The following LONRF2 variants were observed in gnomAD, a reference collection of about 807,000 sequenced individuals.
LONRF2 encodes LON peptidase N-terminal domain and ring finger 2.
In LONRF2, 35 loss-of-function variants were observed where a neutral mutation model predicts 66.6. That is an observed-to-expected ratio of 0.53 (90% CI 0.40 to 0.70). The LOEUF is 0.70. Ranked by LOEUF, LONRF2 falls within the 30% of genes least tolerant of loss-of-function variation. The pLI is 0.00. For synonymous variants in LONRF2, 417 were observed against 418.1 expected (o/e 1.00, Z 0.03); for missense variants, 902 against 1,002.1 (o/e 0.90, Z 1.35).
At chr2:100,296,107 T>A (rs905410835) in intron 7 of LONRF2, among the ~76,000 whole-genome samples, 1 of 151,932 alleles carries the variant, frequency 6.6e-6, no homozygotes, top group Non-Finnish European at 1.5e-5. Flanking sequence ...TAAAGCGGGA[T>A]GTGAAGGGAA....
intron 11 of LONRF2, among the ~76,000 whole-genome samples, chr2:100,286,650 G>C (rs564570898): frequency 6.6e-6 from 1 of 152,200 alleles, no homozygotes; most frequent in Non-Finnish European, 1.5e-5. Context: ...GAAGCAAAAG[G>C]CTACAAAAGC....
At position 100,299,781 on chromosome 2, in the gene LONRF2, T is replaced by C. The variant is rs1675141132; in HGVS notation, c.1203A>G (p.Arg401=). 2 of 1,613,968 alleles carry C rather than the reference T, an allele frequency of 1.2e-6. No homozygotes were observed. The highest frequency in any genetic ancestry group is 1.7e-5 in the Admixed American group (1 of 59,986). Residue 401 remains arginine (R), a synonymous_variant, in exon 5 of 12, where the codon AGA becomes AGG. Transcript: ENST00000393437. Reference sequence around the variant, plus strand: ...CATCCTCCACGTCATCCGGAAACTGTCTCTTTAAGCCAGCGCTGGGTGCTG... The same window carrying C: ...CATCCTCCACGTCATCCGGAAACTGCCTCTTTAAGCCAGCGCTGGGTGCTG... ...LPTAPSAGLK[R]QFPDDVEDAP...
chr2:100,285,141 T>G (rs1434827533), intron 11 of LONRF2, among the ~76,000 whole-genome samples: 1 of 152,222 alleles, frequency 6.6e-6, no homozygotes, highest in East Asian at 1.9e-4. Context: ...CAGGCCTTTT[T>G]GTTTCCAGGG....
chr2:100,294,495 C>T (rs924029003), intron 8 of LONRF2, 108 bp from the exon 9 acceptor site: 3 of 985,410 alleles, frequency 3.0e-6, no homozygotes, highest in South Asian at 2.0e-5. Context: ...CTCCCCTCTA[C>T]AAAACAAAAC....
chr2:100,292,144 G>T (rs992672496), intron 9 of LONRF2, among the ~76,000 whole-genome samples: 1 of 152,160 alleles, frequency 6.6e-6, no homozygotes, highest in African/African-American at 2.4e-5. Flanking sequence ...CTAACAGGAT[G>T]ATCTCATTCA....
rs1675142409 is a variant in LONRF2, at chr2:100,299,817, G to A, written c.1167C>T (p.Ser389=). The change falls in exon 5 of 12, where the codon AGC becomes AGT. Residue 389 remains serine, a synonymous_variant. Transcript: ENST00000393437. ...HFEEDKKALE[S]ILPTAPSAGL... ...CAGCGCTGGGTGCTGTTGGAAGGATGCTTTCTAACGCCTTTTTATCCTCTT... is the reference window on the plus strand; with the variant it reads ...CAGCGCTGGGTGCTGTTGGAAGGATACTTTCTAACGCCTTTTTATCCTCTT... 1.5e-5 allele frequency: 25 copies of A among 1,613,464 alleles called. No individual in the cohort carries two copies. Among genetic ancestry groups the A allele is most frequent in the Non-Finnish European group, 2.1e-5 (25 of 1,179,502 alleles).
At chr2:100,288,134 C>A (rs1166595784) in intron 10 of LONRF2, among the ~76,000 whole-genome samples, 1 of 152,192 alleles carries the variant, frequency 6.6e-6, no homozygotes, top group East Asian at 1.9e-4. Context: ...GGTCAATAAA[C>A]CCTGCCGTCA....
At chr2:100,308,032 G>A (rs1299474946) in intron 2 of LONRF2, among the ~76,000 whole-genome samples, 1 of 152,164 alleles carries the variant, frequency 6.6e-6, no homozygotes, top group East Asian at 1.9e-4. Context: ...TTATCCCTAA[G>A]TTGAACTTGA....
At chr2:100,296,747 ATAGG>A (rs1294940546) in intron 7 of LONRF2, among the ~76,000 whole-genome samples, 4 of 152,194 alleles carry the variant, frequency 2.6e-5, no homozygotes, top group Non-Finnish European at 4.4e-5. Context: ...TATTAATGAC[ATAGG>A]TATTTAATAA....
At chr2:100,311,166 C>A (rs1675400084) in intron 1 of LONRF2, among the ~76,000 whole-genome samples, 1 of 152,070 alleles carries the variant, frequency 6.6e-6, no homozygotes, top group Non-Finnish European at 1.5e-5. Flanking sequence ...ACGGTATCTG[C>A]CTTTTTAGCA....
Position 100,299,285 on chromosome 2 carries a change from T to C in LONRF2, c.1302A>G (p.Thr434=), listed in dbSNP as rs746524637. 1.3e-6 allele frequency: 2 copies of C among 1,590,568 alleles called. No individual in the cohort carries two copies. Among genetic ancestry groups the C allele is most frequent in the Non-Finnish European group, 1.7e-6 (2 of 1,168,194 alleles). ...LSLQRSPNSE[T]EESQGLSLDV... ...CAAGCGAGAGCCCCTGACTTTCTTC[T>C]GTCTCAGAGTTTGGGCTCCTTTGAA... The change falls in exon 6 of 12, where the codon ACA becomes ACG. Residue 434 remains threonine (T), a synonymous_variant. Coordinates refer to ENST00000393437, the MANE Select transcript of LONRF2 (RefSeq NM_198461.4).
intron 1 of LONRF2, among the ~76,000 whole-genome samples, chr2:100,320,399 A>G (rs1053280254): frequency 1.3e-5 from 2 of 152,222 alleles, no homozygotes; most frequent in Admixed American, 1.3e-4. Flanking sequence ...AGAATATCCC[A>G]ATTTAGATAC....
intron 9 of LONRF2, among the ~76,000 whole-genome samples, chr2:100,292,836 T>C (rs1231387742): frequency 2.6e-5 from 4 of 152,204 alleles, no homozygotes; most frequent in African/African-American, 9.6e-5. Flanking sequence ...GCAAATGTGT[T>C]ATTTTTTTAT....
Position 100,299,747 on chromosome 2 carries a change from G to A in LONRF2, c.1237C>T (p.Leu413=). 1 of 1,614,068 alleles carries A rather than the reference G, an allele frequency of 6.2e-7. No homozygotes were observed. Among genetic ancestry groups the A allele is most frequent in the Non-Finnish European group, 8.5e-7 (1 of 1,180,010 alleles). The change falls in exon 5 of 12, where the codon CTG becomes TTG. Residue 413 remains leucine, a synonymous_variant. Coordinates refer to ENST00000393437, the MANE Select transcript of LONRF2 (RefSeq NM_198461.4). Reference sequence around the variant, plus strand: ...TTGGGAATTTTTCCAGGGGCGTTCAGGTCAGGTGCATCCTCCACGTCATCC... The same window carrying A: ...TTGGGAATTTTTCCAGGGGCGTTCAAGTCAGGTGCATCCTCCACGTCATCC... ...FPDDVEDAPD[L]NAPGKIPKKD...
chr2:100,308,136 G>A lies in LONRF2; in HGVS notation c.798+971C>T, dbSNP rs531786344. Among the ~76,000 whole-genome samples, 13 of 152,204 alleles carry A rather than the reference G, an allele frequency of 8.5e-5. No individual in the cohort carries two copies. The East Asian group carries it at 2.1e-3, about 25-fold the overall frequency. ...TGTAATCCCAGCACTTTGGGAGGCTGAGGCAGGCAGATCATGAGGTCAGGA... is the reference window on the plus strand; with the variant it reads ...TGTAATCCCAGCACTTTGGGAGGCTAAGGCAGGCAGATCATGAGGTCAGGA... On this transcript the variant is annotated intron_variant, in intron 2 of 11. Transcript: ENST00000393437.
At position 100,299,220 on chromosome 2, in the gene LONRF2, T is replaced by A; in HGVS notation, c.1361+6A>T. 1.9e-6 allele frequency: 3 copies of A among 1,574,024 alleles called. No homozygotes were observed. Among genetic ancestry groups the A allele is most frequent in the Non-Finnish European group, 2.6e-6 (3 of 1,157,276 alleles). ...AAAGAGTTGCACGGATTCTGTACCA[T>A]CCTACCTCATGCAGAGGGCACACTC... On this transcript the variant is annotated splice_donor_region_variant and intron_variant, in intron 6 of 11. Transcript: ENST00000393437.
chr2:100,275,030 C>A lies in LONRF2; in HGVS notation c.*9268G>T, dbSNP rs1477251920. 1 of 152,332 alleles carries A rather than the reference C, an allele frequency of 6.6e-6. No homozygotes were observed. Among genetic ancestry groups the A allele is most frequent in the Non-Finnish European group, 1.5e-5 (1 of 68,168 alleles). The allele number at this position is 152,332 out of a possible 1,614,324, so 9.4% of individuals were successfully genotyped here. ...GCTGCGCGTGGCTTACTAACTGGAC[C>A]CCCACCCTGGGGAGCATGGCCGCTG... On this transcript the variant is annotated 3_prime_UTR_variant, in exon 12 of 12. Coordinates refer to ENST00000393437, the MANE Select transcript of LONRF2 (RefSeq NM_198461.4).
At chr2:100,285,954 C>T (rs901759780) in intron 11 of LONRF2, among the ~76,000 whole-genome samples, 1 of 152,110 alleles carries the variant, frequency 6.6e-6, no homozygotes, top group Admixed American at 6.5e-5. Context: ...AACAACAACT[C>T]CTAGGAAAAA....
At chr2:100,318,902 C>T (rs915622379) in intron 1 of LONRF2, among the ~76,000 whole-genome samples, 13 of 151,198 alleles carry the variant, frequency 8.6e-5, no homozygotes, top group East Asian at 5.9e-4. Context: ...GAGGCTGAGG[C>T]GGGCGGATCA....
Sources: allele counts gnomAD v4.1 joint callset (sites outside exome capture counted in the v4.1 genomes callset), GRCh38; gene constraint gnomAD v4.1.1; transcripts MANE v1.5; gene names NCBI Gene and HGNC (gene_info 2026-07-23, HGNC 2026-07-21).